UBE2D3: variants seen among roughly 807,000 people sequenced by gnomAD.
UBE2D3 encodes ubiquitin conjugating enzyme E2 D3.
Under a neutral mutation model 22.8 loss-of-function variants are expected in UBE2D3, and 2 were observed. That is an observed-to-expected ratio of 0.09 (90% CI 0.04 to 0.28). The LOEUF is 0.28. Ranked by LOEUF, UBE2D3 falls within the 10% of genes least tolerant of loss-of-function variation. UBE2D3 has a pLI of 1.00. For missense variants in UBE2D3, 27 were observed against 182.5 expected, an observed-to-expected ratio of 0.15 and a Z score of 4.91; for synonymous variants, 56 against 60.4, an observed-to-expected ratio of 0.93 and a Z score of 0.34.
At chr4:102,827,222 G>A (rs1295526745) in intron 1 of UBE2D3, 4 of 983,586 alleles carry the variant, frequency 4.1e-6, no homozygotes, top group Admixed American at 6.1e-5. Context: ...CTGTCCCTGA[G>A]GCTCCGGCTT....
At chr4:102,827,161 C>T in intron 1 of UBE2D3, 1 of 986,996 alleles carries the variant, frequency 1.0e-6, no homozygotes, top group Non-Finnish European at 1.2e-6. Flanking sequence ...ACTCCGCCTT[C>T]CAGCGCGCTC....
chr4:102,814,160 T>C (rs1239909448), intron 2 of UBE2D3, among the ~76,000 whole-genome samples: 1 of 152,172 alleles, frequency 6.6e-6, no homozygotes, highest in Non-Finnish European at 1.5e-5. Flanking sequence ...CATATCGCAG[T>C]TCAACAATCT....
intron 1 of UBE2D3, among the ~76,000 whole-genome samples, chr4:102,844,691 A>C (rs1731945620): frequency 6.6e-6 from 1 of 152,068 alleles, no homozygotes; most frequent in Non-Finnish European, 1.5e-5. Flanking sequence ...TTGGGTTTCT[A>C]GTATTAGTAC....
At chr4:102,826,686 CCT>C (rs1340359304) in intron 1 of UBE2D3, 50 bp from the exon 2 acceptor site, 10 of 1,486,356 alleles carry the variant, frequency 6.7e-6, no homozygotes, top group Admixed American at 2.5e-5. Context: ...CCGAAGAGCC[CCT>C]GATGAATCCA....
At chr4:102,836,405 C>T (rs968588142) in intron 1 of UBE2D3, among the ~76,000 whole-genome samples, 2 of 152,054 alleles carry the variant, frequency 1.3e-5, no homozygotes, top group African/African-American at 4.8e-5. Flanking sequence ...GCTCAGCCTC[C>T]CAAAGTGCTG....
chr4:102,827,478 G>A lies in UBE2D3; in HGVS notation c.-180C>T. On this transcript the variant is annotated 5_prime_UTR_variant, in exon 1 of 8. Coordinates refer to ENST00000453744, the MANE Select transcript of UBE2D3 (RefSeq NM_181891.3). The stretch of plus-strand genomic sequence containing the variant: ...GCGGCCTCGGCCTCCTCCCCGCGCG[G>A]CAGCTGGTGCCTCCCCGGCCCTACG... The A allele has an allele frequency of 1.0e-6, 1 of 986,182 alleles. No individual in the cohort carries two copies. Among genetic ancestry groups the A allele is most frequent in the Non-Finnish European group, 1.2e-6 (1 of 830,184 alleles). 61.1% of individuals were successfully genotyped at this position (986,182 alleles called of 1,614,324 possible). A position where few individuals can be genotyped will look rare whatever the true frequency, so the allele number is the denominator to read the frequency against.
At chr4:102,802,812 T>A in intron 4 of UBE2D3, 174 bp from the exon 5 acceptor site, 1 of 426,080 alleles carries the variant, frequency 2.3e-6, no homozygotes, top group East Asian at 3.6e-5. Context: ...ACTTAAAACT[T>A]ATACAGTAAT....
intron 1 of UBE2D3, among the ~76,000 whole-genome samples, chr4:102,846,225 G>A (rs946831927): frequency 1.3e-5 from 2 of 152,210 alleles, no homozygotes; most frequent in Non-Finnish European, 2.9e-5. Flanking sequence ...AGCCACTTCA[G>A]AGCTCCTAGG....
intron 4 of UBE2D3, among the ~76,000 whole-genome samples, chr4:102,805,494 TC>T (rs1726883792): frequency 1.4e-5 from 2 of 145,512 alleles, no homozygotes; most frequent in African/African-American, 5.3e-5. Flanking sequence ...ACGTTGGTAT[TC>T]TTTTTTTTTT....
intron 1 of UBE2D3, among the ~76,000 whole-genome samples, chr4:102,867,240 T>C (rs944272404): frequency 6.6e-6 from 1 of 152,174 alleles, no homozygotes; most frequent in South Asian, 2.1e-4. Context: ...ATTTATACAG[T>C]CCAGAGAATG....
intron 2 of UBE2D3, chr4:102,812,925 T>A (rs1400342636): frequency 6.6e-6 from 1 of 152,192 alleles, no homozygotes; most frequent in Non-Finnish European, 1.5e-5. Flanking sequence ...GGGTTATTAA[T>A]TTAAACCTTA....
intron 1 of UBE2D3, among the ~76,000 whole-genome samples, chr4:102,846,239 T>C (rs528716880): frequency 1.3e-5 from 2 of 152,150 alleles, no homozygotes; most frequent in Non-Finnish European, 2.9e-5. Context: ...TCCTAGGAAA[T>C]AGTGGTGCTC....
intron 2 of UBE2D3, among the ~76,000 whole-genome samples, chr4:102,823,755 AAC>A (rs1369261788): frequency 6.6e-6 from 1 of 152,240 alleles, no homozygotes; most frequent in African/African-American, 2.4e-5. Flanking sequence ...TGATTGGTCT[AAC>A]AGTCAAAAAA....
chr4:102,853,164 A>T (rs1732456642), intron 1 of UBE2D3, among the ~76,000 whole-genome samples: 1 of 28,204 alleles, frequency 3.5e-5, no homozygotes. Context: ...TTTTTTTGAG[A>T]CGGAGTTTCG....
At chr4:102,821,224 A>G (rs147911203) in intron 2 of UBE2D3, among the ~76,000 whole-genome samples, 1 of 152,136 alleles carries the variant, frequency 6.6e-6, no homozygotes, top group African/African-American at 2.4e-5. Context: ...GGTTTTGGCA[A>G]GGGGAATTAA....
chr4:102,845,553 G>A (rs1732001281), intron 1 of UBE2D3, among the ~76,000 whole-genome samples: 1 of 152,150 alleles, frequency 6.6e-6, no homozygotes, highest in Admixed American at 6.5e-5. Flanking sequence ...CATCAGTGAA[G>A]GAGTACCAAG....
intron 2 of UBE2D3, 137 bp downstream of exon 2, chr4:102,826,348 C>T: frequency 9.1e-7 from 1 of 1,100,994 alleles, no homozygotes; most frequent in South Asian, 1.4e-5. Flanking sequence ...AGTATATCTG[C>T]GTTCTCCATC....
chr4:102,821,647 T>C (rs576215987), intron 2 of UBE2D3, among the ~76,000 whole-genome samples: 2 of 152,202 alleles, frequency 1.3e-5, no homozygotes, highest in East Asian at 1.9e-4. Flanking sequence ...CATTTAAAAA[T>C]AAGTAAACAA....
intron 1 of UBE2D3, among the ~76,000 whole-genome samples, chr4:102,865,795 T>G (rs1448657697): frequency 1.3e-5 from 2 of 152,074 alleles, no homozygotes; most frequent in African/African-American, 4.8e-5. Context: ...ATGAAAGAAA[T>G]AAAAGTCTTG....
Sources: allele counts gnomAD v4.1 joint callset (sites outside exome capture counted in the v4.1 genomes callset), GRCh38; gene constraint gnomAD v4.1.1; transcripts MANE v1.5; gene names NCBI Gene and HGNC (gene_info 2026-07-23, HGNC 2026-07-21).